Variants in WDR49 observed in about 807,000 individuals in gnomAD.
The protein encoded by WDR49 is WD repeat domain 49.
WDR49 carries 107 observed loss-of-function variants against 119.5 expected under a neutral mutation model. The observed-to-expected ratio is 0.90, with a 90% CI of 0.77 to 1.05. The LOEUF is 1.05. Ranked by LOEUF, WDR49 falls within the 50% of genes least tolerant of loss-of-function variation. The pLI is 0.00. For synonymous variants in WDR49, 425 were observed against 418.8 expected, an observed-to-expected ratio of 1.01 and a Z score of -0.18; for missense variants, 1,240 against 1,220.5, an observed-to-expected ratio of 1.02 and a Z score of -0.24.
intron 1 of WDR49, 76 bp from the exon 2 acceptor site, chr3:167,653,575 G>A (rs191348560): frequency 3.7e-5 from 33 of 884,410 alleles, no homozygotes; most frequent in Non-Finnish European, 5.3e-5. Context: ...CGATCAGGAG[G>A]CAAAATGTTC....
At chr3:167,560,429 C>T (rs369014610) in intron 8 of WDR49, among the ~76,000 whole-genome samples, 3 of 152,160 alleles carry the variant, frequency 2.0e-5, no homozygotes, top group African/African-American at 7.2e-5. Flanking sequence ...TCGTGATCCT[C>T]TTTATCAGAG....
chr3:167,648,655 C>T (rs74957605), intron 2 of WDR49, among the ~76,000 whole-genome samples: 2,039 of 152,224 alleles, frequency 0.013, 45 homozygotes, highest in East Asian at 0.1. Context: ...TGCCATACGA[C>T]TTGAAGTAAC....
At chr3:167,557,744 C>T (rs1366526749) in intron 9 of WDR49, among the ~76,000 whole-genome samples, 1 of 129,590 alleles carries the variant, frequency 7.7e-6, no homozygotes, top group South Asian at 2.6e-4. Flanking sequence ...CAGAGCGAGA[C>T]TCCGTCTCAA....
At chr3:167,609,164 C>T (rs959921861) in intron 5 of WDR49, among the ~76,000 whole-genome samples, 4 of 152,098 alleles carry the variant, frequency 2.6e-5, no homozygotes, top group Non-Finnish European at 5.9e-5. Flanking sequence ...CAATTCTCCC[C>T]TCTACCCCTG....
rs1559925001 is a variant in WDR49 at position 167,631,180 on chromosome 3, T to C, written c.166-3888A>G. Among the ~76,000 whole-genome samples, 5 of 152,136 alleles carry C rather than the reference T, an allele frequency of 3.3e-5. No homozygotes were observed. The South Asian group carries it at 8.3e-4, about 25-fold the overall frequency. On this transcript the variant is annotated intron_variant, in intron 2 of 18. Coordinates refer to ENST00000682715, the MANE Select transcript of WDR49 (RefSeq NM_001366157.1). ...TAACCTAATGTAAATGATGAGTTGA[T>C]GGGTGCAGCAAACCAACATGGCACA...
chr3:167,489,161 CTTTG>C (rs988019976), intron 18 of WDR49, among the ~76,000 whole-genome samples: 13 of 152,054 alleles, frequency 8.5e-5, no homozygotes, highest in Non-Finnish European at 1.6e-4. Flanking sequence ...CAGCAGTAGA[CTTTG>C]TTTGCCTTTG....
chr3:167,523,263 T>C (rs1224038761), intron 15 of WDR49, among the ~76,000 whole-genome samples: 1 of 151,912 alleles, frequency 6.6e-6, no homozygotes, highest in African/African-American at 2.4e-5. Flanking sequence ...GGGTAATAAA[T>C]AGTAAATAAA....
chr3:167,564,814 C>CT (rs1288116578), intron 8 of WDR49, among the ~76,000 whole-genome samples: 1 of 152,078 alleles, frequency 6.6e-6, no homozygotes, highest in Non-Finnish European at 1.5e-5. Flanking sequence ...ACATGTGAGG[C>CT]TGTATTCATG....
chr3:167,482,678 C>CA (rs56753360), intron 18 of WDR49, among the ~76,000 whole-genome samples: 7,557 of 70,870 alleles, frequency 0.11, 588 homozygotes, highest in African/African-American at 0.27. Flanking sequence ...GACTCTGTCT[C>CA]AAAAAAAAAA....
At chr3:167,651,239 G>GA (rs201978043) in intron 2 of WDR49, among the ~76,000 whole-genome samples, 32 of 148,812 alleles carry the variant, frequency 2.2e-4, no homozygotes, top group South Asian at 8.5e-4. Flanking sequence ...ATCTGTGTAA[G>GA]AAAAAAAAAA....
intron 2 of WDR49, among the ~76,000 whole-genome samples, chr3:167,638,186 C>T (rs1366300914): frequency 6.6e-6 from 1 of 151,498 alleles, no homozygotes; most frequent in African/African-American, 2.4e-5. Context: ...GACTAGATAA[C>T]TTTCCATAAT....
At chr3:167,613,427 C>T (rs559728347) in intron 5 of WDR49, among the ~76,000 whole-genome samples, 14 of 152,138 alleles carry the variant, frequency 9.2e-5, no homozygotes, top group Non-Finnish European at 1.9e-4. Flanking sequence ...CTGCTCACAG[C>T]GGATTTCAAC....
chr3:167,577,184 A>T (rs941017450), intron 7 of WDR49, among the ~76,000 whole-genome samples: 8 of 152,024 alleles, frequency 5.3e-5, no homozygotes, highest in Admixed American at 5.2e-4. Context: ...CTTTTCTTCT[A>T]TTTTCTCATG....
intron 2 of WDR49, among the ~76,000 whole-genome samples, chr3:167,647,626 C>T (rs1280465521): frequency 6.6e-6 from 1 of 152,030 alleles, no homozygotes; most frequent in Non-Finnish European, 1.5e-5. Flanking sequence ...TTTTCTGCTG[C>T]CATTAAAAAT....
chr3:167,542,187 T>C (rs1386648462), intron 10 of WDR49, among the ~76,000 whole-genome samples: 1 of 152,104 alleles, frequency 6.6e-6, no homozygotes, highest in East Asian at 1.9e-4. Flanking sequence ...ACACAGTAAC[T>C]GGGGGACTTC....
At chr3:167,557,148 G>A (rs554835210) in intron 9 of WDR49, among the ~76,000 whole-genome samples, 2 of 152,184 alleles carry the variant, frequency 1.3e-5, no homozygotes, top group South Asian at 4.1e-4. Flanking sequence ...AGTGAGACAG[G>A]ATCATCCCAC....
chr3:167,531,499 GCT>G (rs1292872323), intron 12 of WDR49, among the ~76,000 whole-genome samples: 1 of 151,918 alleles, frequency 6.6e-6, no homozygotes, highest in African/African-American at 2.4e-5. Context: ...ATACACACTT[GCT>G]CTGTTTTCAC....
At chr3:167,530,364 G>T (rs1333718889) in intron 13 of WDR49, among the ~76,000 whole-genome samples, 1 of 151,846 alleles carries the variant, frequency 6.6e-6, no homozygotes, top group Non-Finnish European at 1.5e-5. Flanking sequence ...TAGATGAAAG[G>T]TAAAAAAATA....
At chr3:167,575,882 A>G (rs1205481562) in intron 8 of WDR49, 36 bp downstream of exon 8, 2 of 1,597,066 alleles carry the variant, frequency 1.3e-6, no homozygotes, top group Admixed American at 3.4e-5. Flanking sequence ...ACTTGGAGAT[A>G]TGTTAGGAGA....
Sources: gnomAD v4.1 joint callset for allele counts (sites outside exome capture counted in the v4.1 genomes callset) on GRCh38, gnomAD v4.1.1 for gene constraint, MANE v1.5 for transcripts, NCBI Gene and HGNC (gene_info 2026-07-23, HGNC 2026-07-21) for gene names.